Variants in TAOK3 observed in about 807,000 individuals in gnomAD.
TAOK3 encodes the protein serine/threonine-protein kinase TAO3.
In TAOK3, 40 loss-of-function variants were observed where a neutral mutation model predicts 120.4. That is an observed-to-expected ratio of 0.33 (90% CI 0.26 to 0.43). The LOEUF is 0.43. Ranked by LOEUF, TAOK3 falls within the 20% of genes least tolerant of loss-of-function variation. The pLI is 1.00. For synonymous variants in TAOK3, 355 were observed against 387.5 expected, an observed-to-expected ratio of 0.92 and a Z score of 0.99; for missense variants, 821 against 1,112.1, an observed-to-expected ratio of 0.74 and a Z score of 3.72.
chr12:118,177,823 CAAAAAAAGA>C (rs1309681539), intron 15 of TAOK3, among the ~76,000 whole-genome samples: 2 of 147,518 alleles, frequency 1.4e-5, no homozygotes, highest in Non-Finnish European at 3.0e-5. Context: ...AACTCTGTCT[CAAAAAAAGA>C]AAAAAAAGAA....
intron 1 of TAOK3, among the ~76,000 whole-genome samples, chr12:118,364,821 C>T (rs1016928613): frequency 6.6e-6 from 1 of 152,126 alleles, no homozygotes; most frequent in Non-Finnish European, 1.5e-5. Flanking sequence ...AGGAGAATTG[C>T]TTGAATCTGG....
chr12:118,175,499 C>T (rs148080198), intron 16 of TAOK3, among the ~76,000 whole-genome samples: 3,010 of 152,098 alleles, frequency 0.02, 49 homozygotes, highest in South Asian at 0.028. Context: ...TGGTGGTGCA[C>T]GCCTGTAATC....
intron 4 of TAOK3, among the ~76,000 whole-genome samples, chr12:118,243,803 A>G (rs2140000860): frequency 6.6e-6 from 1 of 152,152 alleles, no homozygotes; most frequent in Admixed American, 6.5e-5. Flanking sequence ...GTGCCTCCCA[A>G]GTAGCTGGGA....
intron 1 of TAOK3, among the ~76,000 whole-genome samples, chr12:118,337,456 T>A (rs2044412438): frequency 6.6e-6 from 1 of 152,216 alleles, no homozygotes. Context: ...CATAAAAACT[T>A]GTACGAGAAT....
chr12:118,277,653 G>A (rs1445398012), intron 1 of TAOK3, among the ~76,000 whole-genome samples: 2 of 151,806 alleles, frequency 1.3e-5, no homozygotes, highest in Non-Finnish European at 2.9e-5. Context: ...TAGAGACAAG[G>A]TGTCACCATA....
intron 1 of TAOK3, among the ~76,000 whole-genome samples, chr12:118,351,130 G>C (rs995070999): frequency 3.3e-5 from 5 of 152,148 alleles, no homozygotes; most frequent in Non-Finnish European, 7.4e-5. Context: ...AGTGAACTGA[G>C]ATCACAGCAC....
chr12:118,283,066 C>G (rs958482849), intron 1 of TAOK3, among the ~76,000 whole-genome samples: 1 of 152,130 alleles, frequency 6.6e-6, no homozygotes, highest in Non-Finnish European at 1.5e-5. Flanking sequence ...TCCTTAATTC[C>G]CTGTAGCCTG....
At chr12:118,185,232 T>G (rs372245820) in intron 14 of TAOK3, among the ~76,000 whole-genome samples, 10 of 152,328 alleles carry the variant, frequency 6.6e-5, no homozygotes, top group Middle Eastern at 6.8e-3. Flanking sequence ...TAATGTGCCA[T>G]GAAAAGGAAG....
At chr12:118,361,928 A>ATAAT (rs1555262729) in intron 1 of TAOK3, among the ~76,000 whole-genome samples, 1 of 152,030 alleles carries the variant, frequency 6.6e-6, no homozygotes, top group Admixed American at 6.6e-5. Flanking sequence ...AATAATAATA[A>ATAAT]AAAAACATGC....
intron 19 of TAOK3, among the ~76,000 whole-genome samples, chr12:118,153,852 C>A (rs1049838416): frequency 6.6e-6 from 1 of 152,108 alleles, no homozygotes; most frequent in Non-Finnish European, 1.5e-5. Flanking sequence ...TTGCATGTAT[C>A]TTCTTTTAGT....
chr12:118,331,380 C>T (rs771472868), intron 1 of TAOK3, among the ~76,000 whole-genome samples: 1 of 152,014 alleles, frequency 6.6e-6, no homozygotes, highest in Non-Finnish European at 1.5e-5. Context: ...CATGGTGGCT[C>T]GCACCTGTAA....
At chr12:118,236,416 A>G (rs1280858192) in intron 7 of TAOK3, 1 of 152,212 alleles carries the variant, frequency 6.6e-6, no homozygotes, top group Non-Finnish European at 1.5e-5. Flanking sequence ...AGTTTTAAAA[A>G]TATAATTCAA....
At chr12:118,277,305 C>T (rs1162250995) in intron 1 of TAOK3, among the ~76,000 whole-genome samples, 1 of 152,124 alleles carries the variant, frequency 6.6e-6, no homozygotes, top group Non-Finnish European at 1.5e-5. Flanking sequence ...TTAACAGTTA[C>T]ACATTAATTC....
chr12:118,344,911 G>A (rs764779498), intron 1 of TAOK3, among the ~76,000 whole-genome samples: 3 of 151,792 alleles, frequency 2.0e-5, no homozygotes, highest in Non-Finnish European at 4.4e-5. Flanking sequence ...GCATGTCTTT[G>A]GTTAACTTCC....
chr12:118,243,607 T>C (rs529154291), intron 4 of TAOK3, 91 bp from the exon 5 acceptor site: 23 of 479,224 alleles, frequency 4.8e-5, no homozygotes, highest in African/African-American at 4.3e-4. Context: ...ATTTATATTA[T>C]TGTAAATGGA....
intron 14 of TAOK3, among the ~76,000 whole-genome samples, chr12:118,182,597 GTGTATA>G (rs1183482552): frequency 3.7e-4 from 29 of 77,496 alleles, no homozygotes; most frequent in African/African-American, 1.3e-3. Flanking sequence ...GTGTGTGTGT[GTGTATA>G]TATATATATA....
chr12:118,204,970 G>C (rs2038219508), intron 11 of TAOK3, among the ~76,000 whole-genome samples: 1 of 152,098 alleles, frequency 6.6e-6, no homozygotes, highest in Admixed American at 6.5e-5. Context: ...GAGTATCAAA[G>C]ACCAGCTTGG....
At chr12:118,298,596 A>G (rs916481150) in intron 1 of TAOK3, among the ~76,000 whole-genome samples, 3 of 152,216 alleles carry the variant, frequency 2.0e-5, no homozygotes, top group Non-Finnish European at 4.4e-5. Flanking sequence ...ATAGGTTCAA[A>G]AAGAGTTGGA....
At chr12:118,212,833 G>C (rs1593175458) in intron 11 of TAOK3, 81 bp downstream of exon 11, 1 of 966,624 alleles carries the variant, frequency 1.0e-6, no homozygotes, top group Non-Finnish European at 1.6e-6. Flanking sequence ...GTCATGATGA[G>C]CTGCCACAGG....
Sources: allele counts gnomAD v4.1 joint callset (sites outside exome capture counted in the v4.1 genomes callset), GRCh38; gene constraint gnomAD v4.1.1; transcripts MANE v1.5; gene names NCBI Gene and HGNC (gene_info 2026-07-23, HGNC 2026-07-21).